ATP9B: variants seen among roughly 807,000 people sequenced by gnomAD.
ATP9B encodes probable phospholipid-transporting ATPase IIB.
ATP9B carries 110 observed loss-of-function variants against 146.1 expected under a neutral mutation model. The ratio of observed to expected loss-of-function variants is 0.75; its 90% CI spans 0.65 to 0.88. The LOEUF is 0.88. Ranked by LOEUF, ATP9B falls within the 40% of genes least tolerant of loss-of-function variation. The pLI is 0.00. For synonymous variants in ATP9B, 604 were observed against 569.7 expected (o/e 1.06, Z -0.86); for missense variants, 1,499 against 1,496.4 (o/e 1.00, Z -0.03).
chr18:79,211,596 C>T (rs969186868), intron 10 of ATP9B, among the ~76,000 whole-genome samples: 18 of 152,156 alleles, frequency 1.2e-4, no homozygotes, highest in African/African-American at 3.9e-4. Flanking sequence ...TACCTGTAGT[C>T]AATTTGAAGT....
At chr18:79,120,722 A>G (rs2094174394) in intron 4 of ATP9B, among the ~76,000 whole-genome samples, 1 of 152,242 alleles carries the variant, frequency 6.6e-6, no homozygotes, top group Admixed American at 6.5e-5. Context: ...AGATAAAGAA[A>G]GCTCTGGCTC....
chr18:79,370,183 G>A (rs576996960), intron 26 of ATP9B, among the ~76,000 whole-genome samples: 10 of 152,268 alleles, frequency 6.6e-5, no homozygotes, highest in South Asian at 4.1e-4. Context: ...TTCTGAATCC[G>A]TAATATTTAA....
chr18:79,184,748 A>G (rs990768932), intron 8 of ATP9B, among the ~76,000 whole-genome samples: 2 of 152,144 alleles, frequency 1.3e-5, no homozygotes, highest in Admixed American at 6.6e-5. Flanking sequence ...CTAAAGGGAT[A>G]ATATGAGTCC....
rs201699459 is a variant in ATP9B at position 79,193,239 on chromosome 18, C to T, written c.930C>T (p.His310=). ...VYAQKPQMDI[H]SFEGTFTRED... ...CTCAGAAACCACAAATGGACATTCA[C>T]AGTTTCGAAGGCACATTTACCAGGG... is the stretch of plus-strand genomic sequence containing the variant. The change falls in exon 9 of 30, where the codon CAC becomes CAT. Residue 310 remains histidine, a synonymous_variant. Transcript: ENST00000426216. 9.6e-5 allele frequency: 154 copies of T among 1,611,258 alleles called. 2 individuals are homozygous for T. The Middle Eastern group carries it at 2.5e-3, about 26-fold the overall frequency.
chr18:79,164,552 A>G (rs1600089136), intron 7 of ATP9B, among the ~76,000 whole-genome samples: 2 of 152,108 alleles, frequency 1.3e-5, no homozygotes, highest in East Asian at 1.9e-4. Context: ...CGTCTCTACT[A>G]AAAATACAAA....
At chr18:79,267,859 A>AG (rs2096218928) in intron 12 of ATP9B, among the ~76,000 whole-genome samples, 3 of 152,240 alleles carry the variant, frequency 2.0e-5, no homozygotes. Flanking sequence ...CTGTGTGATC[A>AG]GATCTAGATT....
chr18:79,319,648 A>G (rs2096704351), intron 15 of ATP9B, among the ~76,000 whole-genome samples: 1 of 152,176 alleles, frequency 6.6e-6, no homozygotes, highest in Admixed American at 6.5e-5. Context: ...CGTTGATAGC[A>G]CAAAAAGATT....
chr18:79,371,839 G>A (rs1014587252), intron 26 of ATP9B, among the ~76,000 whole-genome samples: 2 of 152,214 alleles, frequency 1.3e-5, no homozygotes, highest in Non-Finnish European at 2.9e-5. Flanking sequence ...CCCGTGGGTG[G>A]GGAAGCCCTA....
chr18:79,279,667 T>C (rs1244939623), intron 13 of ATP9B, among the ~76,000 whole-genome samples: 1 of 152,128 alleles, frequency 6.6e-6, no homozygotes, highest in Non-Finnish European at 1.5e-5. Flanking sequence ...TCATTAAAAA[T>C]AAATGTAAAC....
At chr18:79,222,676 T>C (rs1013088431) in intron 11 of ATP9B, among the ~76,000 whole-genome samples, 7 of 152,332 alleles carry the variant, frequency 4.6e-5, no homozygotes, top group African/African-American at 1.7e-4. Flanking sequence ...GATTAGAATA[T>C]TTTCCCGCCT....
At chr18:79,347,376 C>T (rs142468379) in intron 23 of ATP9B, among the ~76,000 whole-genome samples, 90 of 152,278 alleles carry the variant, frequency 5.9e-4, no homozygotes, top group African/African-American at 2.1e-3. Context: ...TTGAAGCAGC[C>T]CAAGATTATA....
chr18:79,294,422 G>T (rs1333437642), intron 13 of ATP9B, among the ~76,000 whole-genome samples: 5 of 152,314 alleles, frequency 3.3e-5, no homozygotes, highest in African/African-American at 1.2e-4. Flanking sequence ...ACCTTGCCTC[G>T]CCAGCCTTGC....
intron 19 of ATP9B, among the ~76,000 whole-genome samples, chr18:79,341,186 G>C (rs2096856311): frequency 6.6e-6 from 1 of 150,430 alleles, no homozygotes; most frequent in South Asian, 2.1e-4. Flanking sequence ...ATTTAATTGT[G>C]GTTGGATGTG....
chr18:79,148,461 AG>A (rs1301095097), intron 6 of ATP9B, among the ~76,000 whole-genome samples: 6 of 152,238 alleles, frequency 3.9e-5, no homozygotes, highest in Non-Finnish European at 5.9e-5. Context: ...AAAATCAAGC[AG>A]TGTAATCTAC....
intron 21 of ATP9B, 134 bp from the exon 22 acceptor site, chr18:79,345,294 C>A: frequency 1.9e-6 from 2 of 1,078,460 alleles, no homozygotes; most frequent in Non-Finnish European, 2.7e-6. Context: ...TGAAATGATT[C>A]ACAGAAAACT....
chr18:79,237,669 G>C (rs1025946956), intron 11 of ATP9B, among the ~76,000 whole-genome samples: 3 of 142,606 alleles, frequency 2.1e-5, no homozygotes, highest in African/African-American at 7.9e-5. Flanking sequence ...TTATTTCTAA[G>C]TATTTGACTT....
At chr18:79,270,025 A>G (rs963305018) in intron 12 of ATP9B, among the ~76,000 whole-genome samples, 2 of 152,222 alleles carry the variant, frequency 1.3e-5, no homozygotes, top group Non-Finnish European at 1.5e-5. Flanking sequence ...CTTTGTTACT[A>G]GCACTTAACA....
At chr18:79,317,346 A>T (rs997022952) in intron 15 of ATP9B, among the ~76,000 whole-genome samples, 1 of 152,240 alleles carries the variant, frequency 6.6e-6, no homozygotes. Context: ...AAATTTGAAA[A>T]AAGAAAATAA....
At chr18:79,349,955 G>A (rs994463665) in intron 25 of ATP9B, among the ~76,000 whole-genome samples, 1 of 141,986 alleles carries the variant, frequency 7.0e-6, no homozygotes, top group East Asian at 2.1e-4. Context: ...ACCAGTTAGC[G>A]TCCTATTCTC....
Sources: gnomAD v4.1 joint callset for allele counts (sites outside exome capture counted in the v4.1 genomes callset) on GRCh38, gnomAD v4.1.1 for gene constraint, MANE v1.5 for transcripts, NCBI Gene and HGNC (gene_info 2026-07-23, HGNC 2026-07-21) for gene names.